Variants in RREB1 observed in about 807,000 individuals in gnomAD.
RREB1 encodes ras responsive element binding protein 1.
RREB1 carries 27 observed loss-of-function variants against 117.8 expected under a neutral mutation model. That is an observed-to-expected ratio of 0.23 (90% CI 0.17 to 0.32). RREB1 has a LOEUF of 0.32. Among genes scored for constraint, RREB1 ranks in the 10% least tolerant of loss-of-function variants. RREB1 has a pLI of 1.00. For synonymous variants in RREB1, 1,298 were observed against 1,026.7 expected (o/e 1.26, Z -5.05); for missense variants, 2,577 against 2,378.2 (o/e 1.08, Z -1.74).
rs536857064 is a variant in RREB1, at chr6:7,250,290, A to G, written c.*1322A>G. The G allele has an allele frequency of 6.6e-6, 1 of 152,302 alleles. No individual in the cohort carries two copies. Among genetic ancestry groups the G allele is most frequent in the African/African-American group, 2.4e-5 (1 of 41,570 alleles). 9.4% of individuals were successfully genotyped at this position (152,302 alleles called of 1,614,324 possible). On this transcript the variant is annotated 3_prime_UTR_variant, in exon 13 of 13. Transcript: ENST00000379938. ...ACTACTACTGGTAATAAAACTACAC[A>G]TGCAAGATGTCAGATAAGAAATAGG...
intron 8 of RREB1, chr6:7,218,497 AAAG>A (rs1208986137): frequency 1.3e-5 from 2 of 152,238 alleles, no homozygotes; most frequent in African/African-American, 2.4e-5. Flanking sequence ...TAAAAAAAAA[AAAG>A]AGACTTTTGG....
chr6:7,201,471 G>A (rs1765973904), intron 6 of RREB1, among the ~76,000 whole-genome samples: 1 of 151,912 alleles, frequency 6.6e-6, no homozygotes, highest in South Asian at 2.1e-4. Flanking sequence ...ATGTGTTAAG[G>A]AAGGTGATTA....
intron 1 of RREB1, among the ~76,000 whole-genome samples, chr6:7,144,921 C>T (rs562475439): frequency 6.6e-6 from 1 of 152,264 alleles, no homozygotes; most frequent in East Asian, 1.9e-4. Flanking sequence ...TGTCCTTCAG[C>T]GAGGTTATGA....
chr6:7,242,372 T>C (rs11752007), intron 11 of RREB1, among the ~76,000 whole-genome samples: 12,978 of 152,194 alleles, frequency 0.085, 740 homozygotes, highest in Non-Finnish European at 0.13. Context: ...ACAAAGCCCT[T>C]TCCCACCTCC....
In RREB1 at chr6:7,250,260, G is replaced by A. The variant is rs1218893992; in HGVS notation, c.*1292G>A. ...GTGCTACTGTCATTTGCAAAGCAAG[G>A]AAATACTACTACTGGTAATAAAACT... is the stretch of plus-strand genomic sequence containing the variant. On this transcript the variant is annotated 3_prime_UTR_variant, in exon 13 of 13. Coordinates refer to ENST00000379938, the MANE Select transcript of RREB1 (RefSeq NM_001003699.4). 1.3e-5 allele frequency: 2 copies of A among 152,132 alleles called. No homozygotes were observed. The highest frequency in any genetic ancestry group is 4.8e-5 in the African/African-American group (2 of 41,420). 9.4% of individuals were successfully genotyped at this position (152,132 alleles called of 1,614,324 possible). A position where few individuals can be genotyped will look rare whatever the true frequency, so the allele number is the denominator to read the frequency against.
At chr6:7,119,691 A>G (rs998112528) in intron 1 of RREB1, among the ~76,000 whole-genome samples, 10 of 152,234 alleles carry the variant, frequency 6.6e-5, no homozygotes, top group Non-Finnish European at 1.2e-4. Flanking sequence ...GCAGGCTGCT[A>G]GGAACTCTGG....
In RREB1 at chr6:7,235,458, C is replaced by T. The variant is rs531988772; in HGVS notation, c.3808+3551C>T. On this transcript the variant is annotated intron_variant, in intron 10 of 12. Transcript: ENST00000379938. ...CCACCCTGCAAACAAAGGTGTTATT[C>T]GGAGAAGATGTTCTGTGGGGTATTT... Among the ~76,000 whole-genome samples, 9 of 152,300 alleles carry T rather than the reference C, an allele frequency of 5.9e-5. No individual in the cohort carries two copies. The South Asian group carries it at 1.0e-3, about 18-fold the overall frequency.
chr6:7,228,801 C>T (rs550225333), intron 9 of RREB1, among the ~76,000 whole-genome samples, 196 bp from the exon 10 acceptor site: 2 of 152,082 alleles, frequency 1.3e-5, no homozygotes, highest in East Asian at 3.9e-4. Flanking sequence ...AGCCAACACA[C>T]CTGGCTAATT....
Position 7,246,961 on chromosome 6 carries a change from C to A in RREB1, c.4511C>A (p.Pro1504Gln). 1 of 1,570,182 alleles carries A rather than the reference C, an allele frequency of 6.4e-7. No homozygotes were observed. The highest frequency in any genetic ancestry group is 2.4e-5 in the East Asian group (1 of 41,934). ...PEQEEKPPET[P>Q]AEVVESAPGA... is the part of the protein sequence containing the mutation. ...CAGGAGGAGAAGCCCCCCGAGACCC[C>A]GGCAGAGGTGGTGGAGTCGGCCCCG... is the stretch of plus-strand genomic sequence containing the variant. Residue 1504 changes from proline (P) to glutamine (Q), a missense_variant, in exon 12 of 13, where the codon CCG becomes CAG. Pro to Gln is a moderately conservative substitution (Grantham distance 76, BLOSUM62 -1). Transcript: ENST00000379938.
intron 8 of RREB1, among the ~76,000 whole-genome samples, chr6:7,221,336 T>C (rs1197383421): frequency 6.6e-6 from 1 of 151,710 alleles, no homozygotes; most frequent in Admixed American, 6.6e-5. Flanking sequence ...GCCCGGCTAA[T>C]TTTTTGTATT....
chr6:7,181,813 G>C (rs906139485), intron 3 of RREB1, 57 bp from the exon 4 acceptor site: 35 of 1,254,722 alleles, frequency 2.8e-5, no homozygotes, highest in Middle Eastern at 3.7e-4. Flanking sequence ...AGCGCCCCCT[G>C]GCAATGACAG....
Position 7,210,918 on chromosome 6 carries a change from A to G in RREB1, c.540A>G (p.Ser180=). Residue 180 remains serine, a synonymous_variant, in exon 7 of 13, where the codon TCA becomes TCG. Transcript: ENST00000379938. ...GGAAACTGAGTCACGATGCCGAGTC[A>G]GAGAGAGAAGACCCAGCACCAGCTA... ...SKRKLSHDAE[S]EREDPAPAKK... The G allele has an allele frequency of 6.2e-7, 1 of 1,614,150 alleles. No individual in the cohort carries two copies. Among genetic ancestry groups the G allele is most frequent in the Middle Eastern group, 1.6e-4 (1 of 6,062 alleles).
intron 8 of RREB1, chr6:7,218,015 C>T (rs751492432): frequency 4.6e-5 from 7 of 152,308 alleles, no homozygotes; most frequent in African/African-American, 1.2e-4. Flanking sequence ...TTGCTTCCCA[C>T]GTTTCTTAAT....
intron 8 of RREB1, among the ~76,000 whole-genome samples, chr6:7,221,393 C>T (rs917514191): frequency 6.6e-6 from 1 of 151,960 alleles, no homozygotes; most frequent in Non-Finnish European, 1.5e-5. Context: ...AGGATGGTCT[C>T]GATCTCCTGA....
intron 10 of RREB1, among the ~76,000 whole-genome samples, chr6:7,236,135 C>T (rs564974769): frequency 4.6e-5 from 7 of 152,278 alleles, no homozygotes; most frequent in African/African-American, 1.4e-4. Flanking sequence ...CTTTACCCCT[C>T]GGGAGCATCT....
At chr6:7,147,388 T>C (rs1430527007) in intron 1 of RREB1, among the ~76,000 whole-genome samples, 1 of 152,242 alleles carries the variant, frequency 6.6e-6, no homozygotes, top group African/African-American at 2.4e-5. Context: ...CTCCTCCTGT[T>C]TTCTTTTCCT....
intron 1 of RREB1, among the ~76,000 whole-genome samples, chr6:7,165,168 G>C (rs965153535): frequency 6.6e-6 from 1 of 152,160 alleles, no homozygotes; most frequent in African/African-American, 2.4e-5. Flanking sequence ...GTGTTGCTTG[G>C]GCATTGTTCC....
At chr6:7,245,710 C>T (rs1768963920) in intron 11 of RREB1, among the ~76,000 whole-genome samples, 1 of 152,196 alleles carries the variant, frequency 6.6e-6, no homozygotes, top group African/African-American at 2.4e-5. Flanking sequence ...TCTTCACAGG[C>T]ACCCACAGCC....
At chr6:7,129,760 C>T (rs1762076242) in intron 1 of RREB1, among the ~76,000 whole-genome samples, 1 of 152,226 alleles carries the variant, frequency 6.6e-6, no homozygotes, top group South Asian at 2.1e-4. Context: ...TGCAGCCGGG[C>T]AGCAGGGAAC....
Sources: allele counts gnomAD v4.1 joint callset (sites outside exome capture counted in the v4.1 genomes callset), GRCh38; gene constraint gnomAD v4.1.1; transcripts MANE v1.5; gene names NCBI Gene and HGNC (gene_info 2026-07-23, HGNC 2026-07-21).